LAMA2: variants seen among roughly 807,000 people sequenced by gnomAD.
LAMA2 encodes the protein laminin subunit alpha 2, also known as laminin subunit alpha-2.
A neutral mutation model predicts 364.8 loss-of-function variants in LAMA2; 269 were observed. That is an observed-to-expected ratio of 0.74 (90% confidence interval 0.67 to 0.82). The LOEUF is 0.82. Ranked by LOEUF, LAMA2 falls within the 40% of genes least tolerant of loss-of-function variation. The pLI, the probability that LAMA2 is intolerant of heterozygous loss-of-function variation, is 0.00. For missense variants in LAMA2, 3,807 were observed against 3,873.2 expected (o/e 0.98, Z 0.45); for synonymous variants, 1,379 against 1,370.6 (o/e 1.01, Z -0.14).
intron 27 of LAMA2, among the ~76,000 whole-genome samples, chr6:129,318,646 A>G (rs1583483364): frequency 6.6e-6 from 1 of 152,220 alleles, no homozygotes; most frequent in Non-Finnish European, 1.5e-5. Context: ...GCAGAAGGGG[A>G]GTGGTTTGCT....
At chr6:129,057,478 A>G (rs1290839525) in intron 2 of LAMA2, among the ~76,000 whole-genome samples, 2 of 152,256 alleles carry the variant, frequency 1.3e-5, no homozygotes, top group Non-Finnish European at 2.9e-5. Context: ...ATTAAATGAT[A>G]GAAATATATT....
In LAMA2 at chr6:129,410,768, G is replaced by T. The variant is rs534112377; in HGVS notation, c.5865+6809G>T. 2.6e-5 allele frequency among the ~76,000 whole-genome samples: 4 copies of T among 152,098 alleles called. No individual in the cohort carries two copies. In the South Asian group the frequency reaches 8.3e-4, roughly 32 times the overall value. On this transcript the variant is annotated intron_variant, in intron 40 of 64. Coordinates refer to ENST00000421865, the MANE Select transcript of LAMA2 (RefSeq NM_000426.4). ...TAGATAGATAGATAATAGATTAGAT[G>T]ATAGACAGAAAGAATAAGAGATTTA...
At chr6:128,918,828 T>G (rs1313241761) in intron 1 of LAMA2, among the ~76,000 whole-genome samples, 1 of 152,198 alleles carries the variant, frequency 6.6e-6, no homozygotes, top group East Asian at 1.9e-4. Context: ...AACAAGTAGT[T>G]CGAGGTTCAG....
intron 1 of LAMA2, among the ~76,000 whole-genome samples, chr6:129,040,777 T>G (rs1787033272): frequency 6.6e-6 from 1 of 152,208 alleles, no homozygotes; most frequent in Non-Finnish European, 1.5e-5. Context: ...GCAGAAGTGT[T>G]GTCACTGCTG....
Position 129,250,145 on chromosome 6 carries a change from A to G in LAMA2, c.1816A>G (p.Ile606Val), listed in dbSNP as rs113022759. The change falls in exon 13 of 65, where the codon ATA (isoleucine) becomes GTA (valine). Residue 606 changes from isoleucine to valine, a missense_variant. Coordinates refer to ENST00000421865, the MANE Select transcript of LAMA2 (RefSeq NM_000426.4). ...AGTAGGAGGACAGTTGACATTTACC[A>G]TATCATATGACCTTGAAGAAGAGGA... ...PAVGGQLTFT[I>V]SYDLEEEEED... is the part of the protein sequence containing the mutation. The G allele has an allele frequency of 4.2e-5, 67 of 1,609,500 alleles. 1 individual carries two copies. The African/African-American group carries it at 4.5e-4, about 11-fold the overall frequency.
chr6:128,939,934 C>A (rs1360261827), intron 1 of LAMA2, among the ~76,000 whole-genome samples: 1 of 152,046 alleles, frequency 6.6e-6, no homozygotes, highest in Admixed American at 6.6e-5. Context: ...CCATCTGATC[C>A]CTTCACGGCA....
At chr6:129,095,754 CAAAAAAAAA>C (rs57713069) in intron 3 of LAMA2, among the ~76,000 whole-genome samples, 7,403 of 94,008 alleles carry the variant, frequency 0.079, 293 homozygotes, top group African/African-American at 0.15. Flanking sequence ...CTACTAAATA[CAAAAAAAAA>C]AAAAAAAAAA....
chr6:128,901,660 C>T (rs1777092634), intron 1 of LAMA2, among the ~76,000 whole-genome samples: 1 of 152,114 alleles, frequency 6.6e-6, no homozygotes, highest in Non-Finnish European at 1.5e-5. Flanking sequence ...ATCATGATAA[C>T]TATGTTACAT....
intron 37 of LAMA2, among the ~76,000 whole-genome samples, chr6:129,399,758 A>G (rs1274964114): frequency 6.6e-6 from 1 of 152,186 alleles, no homozygotes; most frequent in Non-Finnish European, 1.5e-5. Flanking sequence ...AACTAGTTGT[A>G]TGTACCTGGC....
chr6:128,929,307 G>T, intron 1 of LAMA2: 1 of 1,248,220 alleles, frequency 8.0e-7, no homozygotes, highest in Non-Finnish European at 1.2e-6. Flanking sequence ...ATGTCCCACA[G>T]CTCACTCTCA....
intron 9 of LAMA2, among the ~76,000 whole-genome samples, chr6:129,167,234 A>G (rs1330075790): frequency 6.6e-6 from 1 of 151,804 alleles, no homozygotes; most frequent in East Asian, 1.9e-4. Context: ...ATATGTATAC[A>G]TGTGCCATGC....
intron 29 of LAMA2, among the ~76,000 whole-genome samples, chr6:129,328,698 T>C (rs964454357): frequency 6.6e-6 from 1 of 152,160 alleles, no homozygotes; most frequent in African/African-American, 2.4e-5. Context: ...TTTTTCTGAT[T>C]ATTTTCTTAT....
chr6:129,469,561 A>G (rs1051241660), intron 51 of LAMA2, among the ~76,000 whole-genome samples: 4 of 151,910 alleles, frequency 2.6e-5, no homozygotes, highest in Admixed American at 2.6e-4. Context: ...ATATACATCT[A>G]CCATACAAAC....
intron 12 of LAMA2, among the ~76,000 whole-genome samples, chr6:129,240,453 C>G (rs1030677120): frequency 8.5e-5 from 13 of 152,260 alleles, no homozygotes; most frequent in Admixed American, 5.9e-4. Context: ...ACTTGATAGG[C>G]CTTCAAATGT....
rs149058804 is a variant in LAMA2, at chr6:129,013,967, A to T, written c.113-35951A>T. 1.7e-3 allele frequency among the ~76,000 whole-genome samples: 260 copies of T among 152,276 alleles called. 1 individual carries two copies. Among genetic ancestry groups the T allele is most frequent in the African/African-American group, 6.0e-3 (248 of 41,572 alleles). Reference sequence around the variant, plus strand: ...CAGCTGGAATCAATAGTACTTATTAATGGCCCAGAGGTCTGGGTAGTAAAG... The same window carrying T: ...CAGCTGGAATCAATAGTACTTATTATTGGCCCAGAGGTCTGGGTAGTAAAG... On this transcript the variant is annotated intron_variant, in intron 1 of 64. Coordinates refer to ENST00000421865, the MANE Select transcript of LAMA2 (RefSeq NM_000426.4).
At chr6:129,226,301 G>T (rs1282453123) in intron 12 of LAMA2, among the ~76,000 whole-genome samples, 2 of 152,114 alleles carry the variant, frequency 1.3e-5, no homozygotes, top group Non-Finnish European at 2.9e-5. Flanking sequence ...TTGCCAGTCT[G>T]TGTCTTTTAA....
intron 1 of LAMA2, among the ~76,000 whole-genome samples, chr6:129,014,761 C>A (rs1030444898): frequency 2.6e-5 from 4 of 151,940 alleles, no homozygotes; most frequent in African/African-American, 9.7e-5. Context: ...CCTCAGCTCC[C>A]CCAATAATTA....
intron 43 of LAMA2, 100 bp from the exon 44 acceptor site, chr6:129,442,963 A>G: frequency 2.3e-6 from 2 of 852,584 alleles, no homozygotes; most frequent in South Asian, 1.6e-5. Flanking sequence ...TGTTATGAAA[A>G]ATACCATTTT....
At chr6:129,134,701 T>G (rs867253943) in intron 4 of LAMA2, among the ~76,000 whole-genome samples, 13 of 152,204 alleles carry the variant, frequency 8.5e-5, no homozygotes, top group Non-Finnish European at 1.5e-4. Context: ...GAGAACCTAA[T>G]GCCACAGCTG....
Sources: allele counts gnomAD v4.1 joint callset (sites outside exome capture counted in the v4.1 genomes callset), GRCh38; gene constraint gnomAD v4.1.1; transcripts MANE v1.5; gene names NCBI Gene and HGNC (gene_info 2026-07-23, HGNC 2026-07-21).